The following DIP2B variants were observed in gnomAD, a reference collection of about 807,000 sequenced individuals.
DIP2B encodes the protein DIP2 acetate--CoA ligase B (putative).
DIP2B carries 76 observed loss-of-function variants against 198.0 expected under a neutral mutation model. That is an observed-to-expected ratio of 0.38 (90% CI 0.32 to 0.46). The LOEUF is 0.46. Among genes scored for constraint, DIP2B ranks in the 20% least tolerant of loss-of-function variants. The pLI, the probability that DIP2B is intolerant of heterozygous loss-of-function variation, is 0.99. For missense variants in DIP2B, 1,559 were observed against 1,978.4 expected, an observed-to-expected ratio of 0.79 and a Z score of 4.02; for synonymous variants, 701 against 739.1, an observed-to-expected ratio of 0.95 and a Z score of 0.84.
At chr12:50,738,687 C>T (rs563088827) in intron 35 of DIP2B, among the ~76,000 whole-genome samples, 7 of 152,180 alleles carry the variant, frequency 4.6e-5, no homozygotes, top group Non-Finnish European at 7.4e-5. Context: ...ACCATGTTGG[C>T]CAGGCTGGTC....
At chr12:50,686,926 C>T in intron 12 of DIP2B, 1 of 369,950 alleles carries the variant, frequency 2.7e-6, no homozygotes, top group African/African-American at 2.1e-5. Flanking sequence ...AAGAAAGTTA[C>T]AAAAGACTTT....
At chr12:50,649,540 A>T (rs568410525) in intron 3 of DIP2B, among the ~76,000 whole-genome samples, 1 of 152,310 alleles carries the variant, frequency 6.6e-6, no homozygotes, top group South Asian at 2.1e-4. Flanking sequence ...AATTAGCTCC[A>T]TATCTCACAC....
chr12:50,693,067 A>T (rs1349631504), intron 14 of DIP2B, 54 bp downstream of exon 14: 2 of 1,510,750 alleles, frequency 1.3e-6, no homozygotes, highest in African/African-American at 2.8e-5. Context: ...AGATAAGGCC[A>T]GCATGTTGTA....
At chr12:50,734,613 C>T (rs748822945) in intron 33 of DIP2B, among the ~76,000 whole-genome samples, 1 of 152,174 alleles carries the variant, frequency 6.6e-6, no homozygotes, top group Non-Finnish European at 1.5e-5. Context: ...GGAATTTTAG[C>T]TGTGTCCGGC....
At chr12:50,732,248 G>A (rs1940056025) in intron 31 of DIP2B, 118 bp from the exon 32 acceptor site, 2 of 1,086,856 alleles carry the variant, frequency 1.8e-6, no homozygotes, top group Admixed American at 4.7e-5. Context: ...CTGTGTGCCT[G>A]AGGTGAGAAT....
intron 25 of DIP2B, among the ~76,000 whole-genome samples, chr12:50,719,569 C>T (rs1421756524): frequency 1.3e-5 from 2 of 152,126 alleles, no homozygotes; most frequent in African/African-American, 4.8e-5. Context: ...GGACTGGGCA[C>T]AGTGGCTCAC....
At chr12:50,658,055 C>A (rs1593693372) in intron 3 of DIP2B, among the ~76,000 whole-genome samples, 1 of 150,462 alleles carries the variant, frequency 6.6e-6, no homozygotes, top group Non-Finnish European at 1.5e-5. Flanking sequence ...CAAGACCAAC[C>A]CTAGGCAGCA....
chr12:50,698,203 T>G, intron 17 of DIP2B, 125 bp from the exon 18 acceptor site: 3 of 1,222,768 alleles, frequency 2.5e-6, no homozygotes, highest in South Asian at 1.7e-5. Flanking sequence ...ATTTGGCATA[T>G]TTTTGGGAGA....
intron 3 of DIP2B, among the ~76,000 whole-genome samples, chr12:50,645,517 G>T (rs1299885654): frequency 6.6e-6 from 1 of 151,426 alleles, no homozygotes; most frequent in Non-Finnish European, 1.5e-5. Flanking sequence ...GAGTACAGTG[G>T]CACAATCATG....
At chr12:50,509,584 T>C (rs76642561) in intron 1 of DIP2B, among the ~76,000 whole-genome samples, 1 of 152,230 alleles carries the variant, frequency 6.6e-6, no homozygotes, top group Non-Finnish European at 1.5e-5. Flanking sequence ...CCTTAAAGCA[T>C]GGCACAGGGT....
chr12:50,723,236 G>A lies in DIP2B; in HGVS notation c.3201G>A (p.Leu1067=). 1 of 1,614,138 alleles carries A rather than the reference G, an allele frequency of 6.2e-7. No individual in the cohort carries two copies. The highest frequency in any genetic ancestry group is 1.1e-5 in the South Asian group (1 of 91,086). ...TAATCGCCGCCTTCTATGGCTGCCTGTATGCGGGCTGTATACCTGTGACCG... is the reference window on the plus strand; with the variant it reads ...TAATCGCCGCCTTCTATGGCTGCCTATATGCGGGCTGTATACCTGTGACCG... ...IELIAAFYGC[L]YAGCIPVTVR... The change falls in exon 27 of 38, where the codon CTG becomes CTA. Residue 1067 remains leucine (L), a synonymous_variant. Transcript: ENST00000301180.
intron 9 of DIP2B, among the ~76,000 whole-genome samples, chr12:50,681,648 A>G (rs1346513434): frequency 2.0e-5 from 3 of 152,140 alleles, no homozygotes; most frequent in African/African-American, 7.2e-5. Context: ...TTTTACCATT[A>G]CTTTTCATTT....
intron 1 of DIP2B, among the ~76,000 whole-genome samples, chr12:50,564,893 A>G (rs562019720): frequency 3.2e-4 from 49 of 152,348 alleles, no homozygotes; most frequent in African/African-American, 1.1e-3. Flanking sequence ...AGCATTTCCC[A>G]TGAGATCTTC....
rs201268235 is a variant in DIP2B, at chr12:50,703,223, AT to A, written c.2326-913del. 5.4e-3 allele frequency among the ~76,000 whole-genome samples: 807 copies of A among 149,966 alleles called. 8 individuals are homozygous for A. Among genetic ancestry groups the A allele is most frequent in the African/African-American group, 0.017 (679 of 40,866 alleles). ...GGGCAACAAAGTGAGACTATATCTC[AT>A]TTTAAAAAAAAAAAAAGATTTTTTT... On this transcript the variant is annotated intron_variant, in intron 19 of 37. Coordinates refer to ENST00000301180, the MANE Select transcript of DIP2B (RefSeq NM_173602.3).
intron 1 of DIP2B, among the ~76,000 whole-genome samples, chr12:50,582,149 T>G (rs1396002707): frequency 1.2e-5 from 1 of 82,214 alleles, no homozygotes; most frequent in Non-Finnish European, 2.9e-5. Context: ...TTTTCTGTTT[T>G]TTTTTTTTTT....
Position 50,708,538 on chromosome 12 carries a change from C to G in DIP2B, c.2625C>G (p.Phe875Leu). Residue 875 changes from phenylalanine (F) to leucine (L), a missense_variant, in exon 22 of 38, where the codon TTC becomes TTG. Physicochemically the swap from Phe to Leu is conservative, Grantham distance 22 (BLOSUM62 0). Coordinates refer to ENST00000301180, the MANE Select transcript of DIP2B (RefSeq NM_173602.3). ...QRPDASEEDSFQWMSRVLQAI... is the reference protein window; with the variant it reads ...QRPDASEEDSLQWMSRVLQAI... ...CTGATGCTTCTGAGGAAGATAGTTT[C>G]CAGTGGATGAGCCGCGTGCTGCAGG... is the stretch of plus-strand genomic sequence containing the variant. 1.9e-6 allele frequency: 3 copies of G among 1,602,064 alleles called. No homozygotes were observed. The highest frequency in any genetic ancestry group is 2.6e-6 in the Non-Finnish European group (3 of 1,173,624).
At chr12:50,708,708 T>C in intron 22 of DIP2B, 146 bp downstream of exon 22, 1 of 650,336 alleles carries the variant, frequency 1.5e-6, no homozygotes. Context: ...CAAAATCAGA[T>C]AATTAATACC....
chr12:50,521,489 CTT>C (rs35971707), intron 1 of DIP2B, among the ~76,000 whole-genome samples: 30 of 98,234 alleles, frequency 3.1e-4, no homozygotes, highest in African/African-American at 4.1e-4. Flanking sequence ...AGGTTTCTTT[CTT>C]TTTTTTTTTT....
In DIP2B at chr12:50,626,019, C is replaced by T. The variant is rs146296554; in HGVS notation, c.144C>T (p.Leu48=). The T allele has an allele frequency of 5.7e-4, 920 of 1,614,138 alleles. 9 individuals carry two copies. The East Asian group carries it at 0.019, about 33-fold the overall frequency. ...QKGYEKKRSK[L]LSPYSPQTQE... ...GCTATGAAAAGAAAAGGTCCAAACT[C>T]CTATCTCCTTACAGCCCGCAGACAC... Residue 48 remains leucine (L), a synonymous_variant, in exon 2 of 38, where the codon CTC becomes CTT. Coordinates refer to ENST00000301180, the MANE Select transcript of DIP2B (RefSeq NM_173602.3).
Sources: allele counts gnomAD v4.1 joint callset (sites outside exome capture counted in the v4.1 genomes callset), GRCh38; gene constraint gnomAD v4.1.1; transcripts MANE v1.5; gene names NCBI Gene and HGNC (gene_info 2026-07-23, HGNC 2026-07-21).